Variants in SUN1 observed in about 807,000 individuals in gnomAD.
SUN1 encodes SUN domain-containing protein 1.
SUN1 carries 61 observed loss-of-function variants against 103.2 expected under a neutral mutation model. The ratio of observed to expected loss-of-function variants is 0.59; its 90% confidence interval spans 0.48 to 0.73. The LOEUF is 0.73. SUN1 is among the 30% of genes least tolerant of loss of function. The probability of loss-of-function intolerance (pLI) is 0.00; values close to 1 mark genes in which losing one functional copy is unlikely to be tolerated. For missense variants in SUN1, 1,052 were observed against 1,034.6 expected (o/e 1.02, Z -0.23); for synonymous variants, 490 against 425.7 (o/e 1.15, Z -1.86).
rs1006896977 is a variant in SUN1 at position 852,927 on chromosome 7, C to T, written c.1028C>T (p.Thr343Ile). 6 of 1,613,652 alleles carry T rather than the reference C, an allele frequency of 3.7e-6. No individual in the cohort carries two copies. Among genetic ancestry groups the T allele is most frequent in the Admixed American group, 3.3e-5 (2 of 59,972 alleles). Residue 343 changes from threonine (T) to isoleucine (I), a missense_variant, in exon 9 of 19, where the codon ACT becomes ATT. Around this residue, in one of 2 missense-constraint regions of SUN1, gnomAD observed 846 missense variants for 774.5 expected, o/e 1.09. Coordinates refer to ENST00000401592, the MANE Select transcript of SUN1 (RefSeq NM_001130965.3). ...DDPQDVFKPT[T>I]SRLKQPLQGD... ...CCCCAGGACGTGTTTAAACCCACGA[C>T]TTCTCGCCTGAAGCAGCCTCTGCAG...
intron 1 of SUN1, among the ~76,000 whole-genome samples, chr7:818,869 C>A (rs61008539): frequency 3.3e-5 from 5 of 150,638 alleles, no homozygotes; most frequent in Non-Finnish European, 5.9e-5. Flanking sequence ...CCCCTCCCCC[C>A]CTTTTTTTTT....
At chr7:859,196 A>G (rs977649423) in intron 13 of SUN1, among the ~76,000 whole-genome samples, 1 of 151,884 alleles carries the variant, frequency 6.6e-6, no homozygotes, top group African/African-American at 2.4e-5. Flanking sequence ...TCACCGTGCT[A>G]TCAGGGAGCT....
chr7:844,186 ACTGGGATTCC>A (rs1358960853), intron 5 of SUN1, among the ~76,000 whole-genome samples: 1 of 152,148 alleles, frequency 6.6e-6, no homozygotes, highest in Non-Finnish European at 1.5e-5. Context: ...TCCAGGCGGG[ACTGGGATTCC>A]CTGGGGGGCT....
chr7:851,777 A>G, intron 6 of SUN1, 173 bp from the exon 7 acceptor site: 1 of 652,816 alleles, frequency 1.5e-6, no homozygotes, highest in African/African-American at 1.8e-5. Flanking sequence ...TGTGTTCATC[A>G]GCATGATACG....
intron 5 of SUN1, chr7:848,469 C>T (rs753096171): frequency 8.8e-6 from 12 of 1,364,428 alleles, no homozygotes; most frequent in Non-Finnish European, 1.2e-5. Flanking sequence ...AGATACACTG[C>T]ATCATCTTTT....
intron 7 of SUN1, 103 bp downstream of exon 7, chr7:852,146 A>G (rs1822812600): frequency 5.7e-6 from 6 of 1,044,482 alleles, no homozygotes; most frequent in African/African-American, 1.6e-5. Flanking sequence ...TTTAGCTTAT[A>G]TTTACATAGT....
chr7:839,119 A>T (rs1806448209), intron 2 of SUN1, 133 bp downstream of exon 2: 7 of 855,394 alleles, frequency 8.2e-6, no homozygotes, highest in Non-Finnish European at 1.2e-5. Flanking sequence ...GTGTACAGAC[A>T]CACAAACCTG....
chr7:840,994 C>T (rs1584513370), intron 2 of SUN1, among the ~76,000 whole-genome samples: 2 of 150,888 alleles, frequency 1.3e-5, no homozygotes, highest in African/African-American at 4.9e-5. Flanking sequence ...AGTGCAATGG[C>T]GCGATCTTGG....
intron 5 of SUN1, 119 bp downstream of exon 5, chr7:843,639 G>A: frequency 1.9e-6 from 3 of 1,583,170 alleles, no homozygotes; most frequent in South Asian, 2.3e-5. Context: ...TCCCTTGAAA[G>A]CATAAGAAGT....
chr7:870,819 A>T (rs368371731), intron 17 of SUN1, among the ~76,000 whole-genome samples: 1 of 151,602 alleles, frequency 6.6e-6, no homozygotes. Context: ...ACGGTTTCAG[A>T]GGGCAGCAGC....
intron 14 of SUN1, among the ~76,000 whole-genome samples, chr7:860,691 T>A (rs989111996): frequency 8.5e-5 from 13 of 152,236 alleles, no homozygotes; most frequent in Admixed American, 7.9e-4. Context: ...CTTCTGCAGT[T>A]CCATGAAAGT....
chr7:872,814 C>T (rs1374509048), intron 18 of SUN1, among the ~76,000 whole-genome samples: 22 of 152,218 alleles, frequency 1.4e-4, no homozygotes, highest in Non-Finnish European at 4.4e-5. Context: ...TCCAGCTGGG[C>T]GTGGTGGCTC....
chr7:816,479 C>T (rs1259799298), upstream of SUN1: 7 of 225,500 alleles, frequency 3.1e-5, no homozygotes, highest in Admixed American at 1.8e-4. Flanking sequence ...TGGAGTCCTC[C>T]TCGCCCCTCC....
chr7:841,181 C>T (rs891379527), intron 2 of SUN1, among the ~76,000 whole-genome samples: 1 of 151,302 alleles, frequency 6.6e-6, no homozygotes, highest in Non-Finnish European at 1.5e-5. Flanking sequence ...GATCCGCCTG[C>T]CCCAGCCTCC....
chr7:852,269 G>C (rs989786662), intron 7 of SUN1: 1 of 606,484 alleles, frequency 1.6e-6, no homozygotes, highest in Non-Finnish European at 2.9e-6. Context: ...AGGCAGCTGG[G>C]AGGGCCTGGG....
chr7:846,502 G>A (rs1455843146), intron 5 of SUN1, among the ~76,000 whole-genome samples: 1 of 151,798 alleles, frequency 6.6e-6, no homozygotes, highest in Admixed American at 6.6e-5. Context: ...TTGAGCCCAG[G>A]AGGTTGAGGC....
intron 1 of SUN1, among the ~76,000 whole-genome samples, chr7:825,896 G>GT (rs1791298373): frequency 8.2e-6 from 1 of 121,918 alleles, no homozygotes; most frequent in Admixed American, 8.5e-5. Context: ...ATTTAGTACT[G>GT]GTTTTTTTTT....
rs188804996 is a variant in SUN1 at position 841,534 on chromosome 7, G to A, written c.267-412G>A. 2.8e-4 allele frequency among the ~76,000 whole-genome samples: 42 copies of A among 152,236 alleles called. 1 individual carries two copies. The East Asian group carries it at 7.7e-3, about 28-fold the overall frequency. ...TGGGATTCCAGGTGAGAGCCACCGCGCCTGGCCATGACTACCTATTCTTGT... is the reference window on the plus strand; with the variant it reads ...TGGGATTCCAGGTGAGAGCCACCGCACCTGGCCATGACTACCTATTCTTGT... On this transcript the variant is annotated intron_variant, in intron 2 of 18. Coordinates refer to ENST00000401592, the MANE Select transcript of SUN1 (RefSeq NM_001130965.3).
upstream of SUN1, among the ~76,000 whole-genome samples, chr7:829,693 T>C (rs1025182951): frequency 6.6e-6 from 1 of 152,102 alleles, no homozygotes; most frequent in Non-Finnish European, 1.5e-5. Context: ...TACCTGGGAC[T>C]ACAGGCGCCC....
Sources: allele counts gnomAD v4.1 joint callset (sites outside exome capture counted in the v4.1 genomes callset), GRCh38; gene constraint gnomAD v4.1.1; regional missense constraint gnomAD v4.1.1; transcripts MANE v1.5; gene names NCBI Gene and HGNC (gene_info 2026-07-23, HGNC 2026-07-21).